The following MAF variants were observed in gnomAD, a reference collection of about 807,000 sequenced individuals.
MAF encodes MAF bZIP transcription factor, also known as transcription factor Maf.
In MAF, 10 loss-of-function variants were observed where a neutral mutation model predicts 22.0. That is an observed-to-expected ratio of 0.45 (90% confidence interval 0.28 to 0.77). The LOEUF (loss-of-function observed/expected upper bound fraction) is 0.77. Ranked by LOEUF, MAF falls within the 30% of genes least tolerant of loss-of-function variation. The pLI, the probability that MAF is intolerant of heterozygous loss-of-function variation, is 0.12. For missense variants in MAF, 544 were observed against 548.4 expected (o/e 0.99, Z 0.08); for synonymous variants, 337 against 255.8 (o/e 1.32, Z -3.03).
At chr16:79,501,990 A>C in the MAF span, among the ~76,000 whole-genome samples, 1 of 152,118 alleles carries the variant, frequency 6.6e-6, no homozygotes, top group Admixed American at 6.5e-5. Flanking sequence ...TTCCCAACAA[A>C]ACTTATTTCT....
At chr16:79,530,574 G>A in the MAF span, among the ~76,000 whole-genome samples, 3 of 152,038 alleles carry the variant, frequency 2.0e-5, no homozygotes, top group African/African-American at 7.2e-5. Context: ...TACATAAATA[G>A]GAATGAATAT....
the MAF span, among the ~76,000 whole-genome samples, chr16:79,545,271 G>C: frequency 1.3e-5 from 2 of 152,158 alleles, no homozygotes; most frequent in African/African-American, 2.4e-5. Flanking sequence ...CGCAAATCAA[G>C]CTTGGAGAAC....
chr16:79,440,947 G>C, the MAF span, among the ~76,000 whole-genome samples: 1 of 152,224 alleles, frequency 6.6e-6, no homozygotes, highest in Admixed American at 6.5e-5. Flanking sequence ...TTTGGTAAAT[G>C]CTTGTTGCTG....
At chr16:79,421,675 C>T in the MAF span, among the ~76,000 whole-genome samples, 1 of 148,546 alleles carries the variant, frequency 6.7e-6, no homozygotes, top group Non-Finnish European at 1.5e-5. Context: ...CTTGCTCTGT[C>T]ACCCAGGCTG....
At chr16:79,295,469 T>C in the MAF span, among the ~76,000 whole-genome samples, 2 of 152,260 alleles carry the variant, frequency 1.3e-5, no homozygotes, top group Middle Eastern at 3.4e-3. Context: ...TATTTGAACA[T>C]GGTTTGAACA....
the MAF span, among the ~76,000 whole-genome samples, chr16:79,328,132 G>T: frequency 6.6e-6 from 1 of 152,202 alleles, no homozygotes. Context: ...TCCTATGGAA[G>T]TGATTAGCAC....
the MAF span, among the ~76,000 whole-genome samples, chr16:79,257,540 G>A: frequency 1.6e-4 from 24 of 152,292 alleles, no homozygotes; most frequent in Admixed American, 8.5e-4. Flanking sequence ...AGGGCAGTGG[G>A]TCATGGTGAG....
the MAF span, among the ~76,000 whole-genome samples, chr16:79,290,163 T>C: frequency 6.6e-6 from 1 of 152,106 alleles, no homozygotes. Context: ...AGCCTGTATA[T>C]CTTCTTAAAA....
the MAF span, among the ~76,000 whole-genome samples, chr16:79,576,427 A>C: frequency 6.6e-6 from 1 of 152,076 alleles, no homozygotes; most frequent in Non-Finnish European, 1.5e-5. Context: ...TTAGTATACA[A>C]AGCCTCTGAG....
the MAF span, among the ~76,000 whole-genome samples, chr16:79,254,385 A>AAAAGTGTG: frequency 2.0e-5 from 3 of 152,136 alleles, no homozygotes; most frequent in African/African-American, 7.2e-5. Flanking sequence ...ATATTATTCC[A>AAAAGTGTG]TCCAAGGATC....
the MAF span, among the ~76,000 whole-genome samples, chr16:79,317,319 CTTTT>C: frequency 7.1e-6 from 1 of 140,274 alleles, no homozygotes; most frequent in Non-Finnish European, 1.5e-5. Flanking sequence ...ATCTCTCATT[CTTTT>C]GTTTTATTTT....
chr16:79,588,604 G>A (rs561624607), intron 1 of MAF, among the ~76,000 whole-genome samples: 3 of 152,044 alleles, frequency 2.0e-5, no homozygotes, highest in African/African-American at 7.2e-5. Context: ...TGGGATTACA[G>A]GCACGTGCCC....
the MAF span, among the ~76,000 whole-genome samples, chr16:79,467,955 G>C: frequency 6.6e-6 from 1 of 151,922 alleles, no homozygotes; most frequent in Admixed American, 6.6e-5. Flanking sequence ...GGTGGTTGTG[G>C]CTTGACCATG....
At chr16:79,236,568 A>G in the MAF span, among the ~76,000 whole-genome samples, 1 of 152,038 alleles carries the variant, frequency 6.6e-6, no homozygotes, top group South Asian at 2.1e-4. Flanking sequence ...CATCTCACAC[A>G]CTATGCACAG....
At chr16:79,309,184 G>C in the MAF span, among the ~76,000 whole-genome samples, 2 of 152,170 alleles carry the variant, frequency 1.3e-5, no homozygotes, top group Non-Finnish European at 2.9e-5. Flanking sequence ...AGGAAAAACT[G>C]AGGCTGAAGG....
the MAF span, among the ~76,000 whole-genome samples, chr16:79,234,177 A>G: frequency 2.6e-5 from 4 of 151,932 alleles, no homozygotes; most frequent in Non-Finnish European, 4.4e-5. Flanking sequence ...CTTGTGTGGC[A>G]CACACAGTGG....
At chr16:79,464,714 G>C in the MAF span, among the ~76,000 whole-genome samples, 43 of 152,194 alleles carry the variant, frequency 2.8e-4, no homozygotes, top group African/African-American at 9.7e-4. Context: ...CCATGGGTCA[G>C]AGGGGACTGC....
At chr16:79,586,879 A>G (rs1444444249) in intron 1 of MAF, among the ~76,000 whole-genome samples, 1 of 152,254 alleles carries the variant, frequency 6.6e-6, no homozygotes, top group Non-Finnish European at 1.5e-5. Flanking sequence ...AATAACGGCG[A>G]TAAACTAGTA....
At chr16:79,574,686 G>A in the MAF span, among the ~76,000 whole-genome samples, 1 of 151,926 alleles carries the variant, frequency 6.6e-6, no homozygotes, top group Non-Finnish European at 1.5e-5. Flanking sequence ...CTGCTTTAGT[G>A]GCTAAGTCTG....
Sources: gnomAD v4.1 joint callset for allele counts (sites outside exome capture counted in the v4.1 genomes callset) on GRCh38, gnomAD v4.1.1 for gene constraint, MANE v1.5 for transcripts, NCBI Gene and HGNC (gene_info 2026-07-23, HGNC 2026-07-21) for gene names.